Variants in ADAMTS3 observed in about 807,000 individuals in gnomAD.
ADAMTS3 encodes the protein ADAM metallopeptidase with thrombospondin type 1 motif 3.
Under a neutral mutation model 129.0 loss-of-function variants are expected in ADAMTS3, and 73 were observed. That is an observed-to-expected ratio of 0.57 (90% confidence interval 0.47 to 0.69). The LOEUF is 0.69. Among genes scored for constraint, ADAMTS3 ranks in the 30% least tolerant of loss-of-function variants. The pLI, the probability that ADAMTS3 is intolerant of heterozygous loss-of-function variation, is 0.00. For synonymous variants in ADAMTS3, 477 were observed against 510.8 expected (o/e 0.93, Z 0.89); for missense variants, 1,457 against 1,514.5 (o/e 0.96, Z 0.63).
chr4:72,380,341 C>A (rs1259780110), intron 4 of ADAMTS3, among the ~76,000 whole-genome samples: 1 of 152,006 alleles, frequency 6.6e-6, no homozygotes, highest in Non-Finnish European at 1.5e-5. Flanking sequence ...AAGTTTAAAC[C>A]CAAAGACCTA....
intron 19 of ADAMTS3, 32 bp from the exon 20 acceptor site, chr4:72,291,094 T>A: frequency 6.2e-7 from 1 of 1,610,528 alleles, no homozygotes; most frequent in Non-Finnish European, 8.5e-7. Context: ...ATTGCAATTA[T>A]CACTGGTATG....
rs1308583995 is a variant in ADAMTS3, at chr4:72,455,866, T to TAC, written c.505-40897_505-40896dup. On this transcript the variant is annotated intron_variant, in intron 3 of 21. Transcript: ENST00000286657. ...TACTATATATTTTATATATAGTATA[T>TAC]ACACTGTATATACTATATATATTTT... Among the ~76,000 whole-genome samples, 115 of 126,970 alleles carry TAC rather than the reference T, an allele frequency of 9.1e-4. 1 individual carries two copies. Among genetic ancestry groups the TAC allele is most frequent in the African/African-American group, 3.1e-3 (106 of 34,562 alleles). 83.3% of individuals were successfully genotyped at this position (126,970 alleles called of 152,430 possible).
At chr4:72,482,821 G>A (rs1474579134) in intron 3 of ADAMTS3, among the ~76,000 whole-genome samples, 5 of 152,282 alleles carry the variant, frequency 3.3e-5, no homozygotes, top group African/African-American at 1.2e-4. Flanking sequence ...TTCCACTGCT[G>A]TGGGGACCAC....
intron 3 of ADAMTS3, among the ~76,000 whole-genome samples, chr4:72,507,475 C>T (rs1485376375): frequency 6.6e-6 from 1 of 152,210 alleles, no homozygotes; most frequent in African/African-American, 2.4e-5. Flanking sequence ...TGTGAGTCCT[C>T]TCACTATCCC....
At chr4:72,490,318 T>C (rs1450565694) in intron 3 of ADAMTS3, among the ~76,000 whole-genome samples, 1 of 152,038 alleles carries the variant, frequency 6.6e-6, no homozygotes, top group Non-Finnish European at 1.5e-5. Flanking sequence ...CTCTTCACTT[T>C]GTCATTTATT....
chr4:72,290,763 C>A, intron 20 of ADAMTS3, 92 bp downstream of exon 20: 1 of 1,344,680 alleles, frequency 7.4e-7, no homozygotes, highest in Non-Finnish European at 1.0e-6. Flanking sequence ...TCAGTTCACA[C>A]AAAGCCTAAC....
intron 4 of ADAMTS3, among the ~76,000 whole-genome samples, chr4:72,342,670 C>T (rs1023584293): frequency 8.5e-5 from 13 of 152,272 alleles, no homozygotes; most frequent in Admixed American, 4.6e-4. Context: ...CCACACCTGG[C>T]CCCAATTACT....
intron 4 of ADAMTS3, among the ~76,000 whole-genome samples, chr4:72,403,849 G>A (rs1721986831): frequency 6.6e-6 from 1 of 151,926 alleles, no homozygotes; most frequent in Non-Finnish European, 1.5e-5. Context: ...ATTAGAACTT[G>A]CACAATGGGA....
chr4:72,425,458 A>G (rs1722547546), intron 3 of ADAMTS3, among the ~76,000 whole-genome samples: 1 of 152,014 alleles, frequency 6.6e-6, no homozygotes, highest in African/African-American at 2.4e-5. Context: ...AACATTAGGT[A>G]TATCTCCTAA....
At chr4:72,554,416 T>G (rs1518475) in intron 2 of ADAMTS3, among the ~76,000 whole-genome samples, 146,831 of 152,260 alleles carry the variant, frequency 0.96, 71,037 homozygotes, top group East Asian at 1. Context: ...TAAAAGAAAA[T>G]TTCCCTTAAA....
chr4:72,340,316 A>AGTGT (rs35463239), intron 4 of ADAMTS3, among the ~76,000 whole-genome samples: 11,600 of 147,314 alleles, frequency 0.079, 991 homozygotes, highest in African/African-American at 0.21. Flanking sequence ...TATATACATA[A>AGTGT]GTGTGTGTGT....
At chr4:72,504,632 T>A (rs1720109967) in intron 3 of ADAMTS3, among the ~76,000 whole-genome samples, 1 of 152,148 alleles carries the variant, frequency 6.6e-6, no homozygotes, top group South Asian at 2.1e-4. Context: ...GTTAGAAAAA[T>A]TTTCTTAAAT....
In ADAMTS3 at chr4:72,323,101, G is replaced by A. The variant is rs200345422; in HGVS notation, c.862-4C>T. The A allele has an allele frequency of 9.5e-4, 1,532 of 1,609,840 alleles. 20 individuals are homozygous for A. The South Asian group carries it at 0.011, about 12-fold the overall frequency. ...CATCATGGTAAATTTCATTCACCTA[G>A]CAACAAAAAAAGATAATTGCTAAAA... On this transcript the variant is annotated splice_region_variant and splice_polypyrimidine_tract_variant and intron_variant, in intron 5 of 21. Coordinates refer to ENST00000286657, the MANE Select transcript of ADAMTS3 (RefSeq NM_014243.3).
At chr4:72,441,291 ATATTT>A (rs1352945391) in intron 3 of ADAMTS3, among the ~76,000 whole-genome samples, 1 of 151,700 alleles carries the variant, frequency 6.6e-6, no homozygotes, top group Non-Finnish European at 1.5e-5. Context: ...AACACACTAT[ATATTT>A]TATGTATTTT....
intron 17 of ADAMTS3, among the ~76,000 whole-genome samples, chr4:72,300,605 A>G (rs2109784365): frequency 6.6e-6 from 1 of 152,320 alleles, no homozygotes; most frequent in East Asian, 1.9e-4. Context: ...CATTTTAATA[A>G]AGGACAGACT....
At chr4:72,420,125 G>A (rs1722406653) in intron 3 of ADAMTS3, among the ~76,000 whole-genome samples, 1 of 151,970 alleles carries the variant, frequency 6.6e-6, no homozygotes, top group Non-Finnish European at 1.5e-5. Context: ...AACTTTCGAA[G>A]GTCTCCCCTT....
At chr4:72,499,870 T>C (rs1027857276) in intron 3 of ADAMTS3, among the ~76,000 whole-genome samples, 1 of 152,114 alleles carries the variant, frequency 6.6e-6, no homozygotes, top group Non-Finnish European at 1.5e-5. Context: ...AGTAAGAACA[T>C]GAGGTATTTC....
At chr4:72,292,367 T>G (rs1042480041) in intron 19 of ADAMTS3, among the ~76,000 whole-genome samples, 1 of 152,250 alleles carries the variant, frequency 6.6e-6, no homozygotes, top group Non-Finnish European at 1.5e-5. Flanking sequence ...GTTGTTGCTA[T>G]GAAGGCTACT....
intron 4 of ADAMTS3, among the ~76,000 whole-genome samples, chr4:72,390,893 TAAA>T (rs33953807): frequency 1.2e-4 from 17 of 145,382 alleles, no homozygotes; most frequent in East Asian, 6.0e-4. Context: ...TAGAAAAAAT[TAAA>T]AAAAAAAAAA....
Sources: gnomAD v4.1 joint callset for allele counts (sites outside exome capture counted in the v4.1 genomes callset) on GRCh38, gnomAD v4.1.1 for gene constraint, MANE v1.5 for transcripts, NCBI Gene and HGNC (gene_info 2026-07-23, HGNC 2026-07-21) for gene names.